The following CNTNAP2 variants were observed in gnomAD, a reference collection of about 807,000 sequenced individuals.
CNTNAP2 encodes contactin-associated protein-like 2.
In CNTNAP2, 98 loss-of-function variants were observed where a neutral mutation model predicts 155.2. The observed-to-expected ratio is 0.63, with a 90% CI of 0.54 to 0.75. The LOEUF (loss-of-function observed/expected upper bound fraction) is 0.75, where lower values mean the gene tolerates loss of function less well. Among genes scored for constraint, CNTNAP2 ranks in the 30% least tolerant of loss-of-function variants. CNTNAP2 has a pLI of 0.00. For missense variants in CNTNAP2, 1,727 were observed against 1,688.1 expected (o/e 1.02, Z -0.40); for synonymous variants, 651 against 631.2 (o/e 1.03, Z -0.47).
intron 1 of CNTNAP2, among the ~76,000 whole-genome samples, chr7:146,293,239 T>C (rs1800460653): frequency 6.6e-6 from 1 of 152,186 alleles, no homozygotes. Context: ...TATAATACCA[T>C]GAACATAGGA....
rs1490359651 is a variant in CNTNAP2 at position 147,629,975 on chromosome 7, TCAGAA to T, written c.1898-9124_1898-9120del. Reference sequence around the variant, plus strand: ...AGCAGAAAAAAAGAAATAACAAAGATCAGAACAGAACTAAATGAAATACAAACAAA... The same window carrying T: ...AGCAGAAAAAAAGAAATAACAAAGATCAGAACTAAATGAAATACAAACAAA... On this transcript the variant is annotated intron_variant, in intron 12 of 23. Transcript: ENST00000361727. Among the ~76,000 whole-genome samples, 11 of 150,086 alleles carry T rather than the reference TCAGAA, an allele frequency of 7.3e-5. No homozygotes were observed. In the East Asian group the frequency reaches 2.2e-3, roughly 30 times the overall value.
intron 2 of CNTNAP2, among the ~76,000 whole-genome samples, chr7:146,789,742 G>A (rs561817318): frequency 5.3e-5 from 8 of 151,710 alleles, no homozygotes; most frequent in African/African-American, 9.7e-5. Context: ...GCACCAATAC[G>A]CTAGAATCTG....
At chr7:147,847,881 TG>T (rs1489563075) in intron 13 of CNTNAP2, among the ~76,000 whole-genome samples, 2 of 112,446 alleles carry the variant, frequency 1.8e-5, no homozygotes, top group East Asian at 2.5e-4. Context: ...GTGCCCCTGC[TG>T]GGGGGTGCCT....
chr7:148,215,428 T>G (rs1795619546), intron 18 of CNTNAP2, among the ~76,000 whole-genome samples: 1 of 152,176 alleles, frequency 6.6e-6, no homozygotes, highest in Non-Finnish European at 1.5e-5. Flanking sequence ...TTGGGCAATG[T>G]TGTGCTTTTT....
chr7:147,365,565 A>G (rs1200491677), intron 9 of CNTNAP2, among the ~76,000 whole-genome samples: 1 of 151,992 alleles, frequency 6.6e-6, no homozygotes, highest in Non-Finnish European at 1.5e-5. Flanking sequence ...TTCACTTTCT[A>G]TTATTTTAGT....
chr7:147,137,898 TA>T, intron 8 of CNTNAP2, among the ~76,000 whole-genome samples: 1 of 130,816 alleles, frequency 7.6e-6, no homozygotes, highest in Non-Finnish European at 1.7e-5. Context: ...GATAGATAGA[TA>T]GATAGATAGA....
chr7:146,981,257 G>A (rs1167280360), intron 3 of CNTNAP2, among the ~76,000 whole-genome samples: 2 of 152,138 alleles, frequency 1.3e-5, no homozygotes, highest in Non-Finnish European at 2.9e-5. Context: ...CTTATTGGAA[G>A]AAATAAGATT....
At chr7:146,552,532 T>G (rs758538007) in intron 1 of CNTNAP2, among the ~76,000 whole-genome samples, 2 of 152,144 alleles carry the variant, frequency 1.3e-5, no homozygotes, top group African/African-American at 4.8e-5. Flanking sequence ...CTGTTTTTGC[T>G]CCTACCCACA....
At chr7:147,795,195 C>T (rs1797873849) in intron 13 of CNTNAP2, among the ~76,000 whole-genome samples, 1 of 151,470 alleles carries the variant, frequency 6.6e-6, no homozygotes, top group Non-Finnish European at 1.5e-5. Context: ...TGTGTTTTTC[C>T]ATCCTGTCAC....
intron 1 of CNTNAP2, among the ~76,000 whole-genome samples, chr7:146,426,185 C>CAAAAAAA (rs57484419): frequency 0.05 from 2,687 of 54,130 alleles, 120 homozygotes; most frequent in Admixed American, 0.11. Context: ...GACTTCGCCT[C>CAAAAAAA]AAAAAAAAAA....
chr7:147,178,988 G>C (rs1282833459), intron 8 of CNTNAP2, among the ~76,000 whole-genome samples: 1 of 152,118 alleles, frequency 6.6e-6, no homozygotes. Flanking sequence ...AGACTGATCA[G>C]GGTGCTGGAG....
intron 21 of CNTNAP2, among the ~76,000 whole-genome samples, chr7:148,308,563 T>G (rs200422521): frequency 2.0e-4 from 10 of 49,238 alleles, no homozygotes; most frequent in East Asian, 7.2e-4. Context: ...ATTTATTTAT[T>G]TATTTATTTA....
At chr7:148,117,701 A>G (rs1404762771) in intron 15 of CNTNAP2, among the ~76,000 whole-genome samples, 3 of 152,006 alleles carry the variant, frequency 2.0e-5, no homozygotes, top group African/African-American at 7.3e-5. Context: ...GCTTCTCCCA[A>G]TTGTTGTGTC....
chr7:147,749,656 C>T (rs921487830), intron 13 of CNTNAP2, among the ~76,000 whole-genome samples: 7 of 152,144 alleles, frequency 4.6e-5, no homozygotes, highest in Non-Finnish European at 7.4e-5. Context: ...AATATCTACT[C>T]TTAAAATCAC....
chr7:148,010,352 G>GT (rs58239223), intron 15 of CNTNAP2, among the ~76,000 whole-genome samples: 16,078 of 151,710 alleles, frequency 0.11, 1,198 homozygotes, highest in East Asian at 0.24. Flanking sequence ...ATGTGCAGAA[G>GT]TTTTAATTTG....
intron 13 of CNTNAP2, among the ~76,000 whole-genome samples, chr7:147,693,777 C>T (rs1187156901): frequency 6.6e-6 from 1 of 151,972 alleles, no homozygotes; most frequent in Admixed American, 6.6e-5. Flanking sequence ...ACAATGATGT[C>T]ATCTGTGAAC....
At chr7:146,234,361 AGCCCTTT>A (rs1799436746) in intron 1 of CNTNAP2, among the ~76,000 whole-genome samples, 1 of 152,112 alleles carries the variant, frequency 6.6e-6, no homozygotes, top group Non-Finnish European at 1.5e-5. Flanking sequence ...TCTGGATATT[AGCCCTTT>A]GTCAGATGAG....
chr7:147,099,680 T>C (rs1800616610), intron 4 of CNTNAP2, among the ~76,000 whole-genome samples: 1 of 152,204 alleles, frequency 6.6e-6, no homozygotes, highest in African/African-American at 2.4e-5. Context: ...GTGAACTGAA[T>C]AGAGATTTTA....
chr7:146,174,506 C>T (rs1798442053), intron 1 of CNTNAP2, among the ~76,000 whole-genome samples: 1 of 152,112 alleles, frequency 6.6e-6, no homozygotes, highest in Non-Finnish European at 1.5e-5. Context: ...CCAGCATGAG[C>T]CAATGCACAC....
Sources: allele counts gnomAD v4.1 joint callset (sites outside exome capture counted in the v4.1 genomes callset), GRCh38; gene constraint gnomAD v4.1.1; transcripts MANE v1.5; gene names NCBI Gene and HGNC (gene_info 2026-07-23, HGNC 2026-07-21).